The following DNM3 variants were observed in gnomAD, a reference collection of about 807,000 sequenced individuals.
DNM3 encodes dynamin 3.
DNM3 carries 47 observed loss-of-function variants against 101.6 expected under a neutral mutation model. That is an observed-to-expected ratio of 0.46 (90% CI 0.37 to 0.59). The LOEUF (loss-of-function observed/expected upper bound fraction) is 0.59. Among genes scored for constraint, DNM3 ranks in the 20% least tolerant of loss-of-function variants. DNM3 has a pLI of 0.00. For synonymous variants in DNM3, 385 were observed against 387.9 expected (o/e 0.99, Z 0.09); for missense variants, 849 against 1,085.7 (o/e 0.78, Z 3.06).
intron 20 of DNM3, among the ~76,000 whole-genome samples, chr1:172,389,566 A>G (rs573088372): frequency 6.6e-6 from 1 of 152,332 alleles, no homozygotes; most frequent in African/African-American, 2.4e-5. Flanking sequence ...AGAATCAGAG[A>G]TTTTTAAGGT....
At chr1:172,416,714 G>A (rs1264502432), downstream of DNM3, among the ~76,000 whole-genome samples, 2 of 152,142 alleles carry the variant, frequency 1.3e-5, no homozygotes, top group African/African-American at 4.8e-5. Context: ...TTCAGAACTC[G>A]AAAATAGTTT....
chr1:172,262,438 C>T (rs2148716744), intron 15 of DNM3, among the ~76,000 whole-genome samples: 1 of 152,236 alleles, frequency 6.6e-6, no homozygotes, highest in South Asian at 2.1e-4. Context: ...CTATGTTAGT[C>T]TCAGAACTTG....
intron 14 of DNM3, among the ~76,000 whole-genome samples, chr1:172,163,384 G>A (rs949903070): frequency 1.3e-5 from 2 of 151,686 alleles, no homozygotes; most frequent in South Asian, 2.1e-4. Context: ...GACTACAGGT[G>A]CATGCCACCA....
intron 14 of DNM3, among the ~76,000 whole-genome samples, chr1:172,199,324 C>T (rs749577026): frequency 2.6e-4 from 39 of 151,860 alleles, no homozygotes; most frequent in Non-Finnish European, 3.4e-4. Context: ...TATTTTATGT[C>T]CAATTATATG....
Position 171,944,212 on chromosome 1 carries a change from T to A in DNM3, c.235+22391T>A, listed in dbSNP as rs984852767. ...AGTCTTCACATGCCAGGAAACACTA[T>A]TCTTAAATTTTTTTTCAGCCATTTA... On this transcript the variant is annotated intron_variant, in intron 2 of 20. Transcript: ENST00000627582. Among the ~76,000 whole-genome samples, 19 of 152,268 alleles carry A rather than the reference T, an allele frequency of 1.2e-4. No individual in the cohort carries two copies. In the East Asian group the frequency reaches 3.7e-3, roughly 29 times the overall value.
At chr1:172,397,152 ATGTC>A (rs1436135331) in intron 20 of DNM3, 1 of 152,626 alleles carries the variant, frequency 6.6e-6, no homozygotes, top group East Asian at 1.9e-4. Context: ...ACTGAGGAAA[ATGTC>A]TACTTACTTC....
At chr1:172,058,423 A>C (rs1458530960) in intron 10 of DNM3, among the ~76,000 whole-genome samples, 1 of 150,926 alleles carries the variant, frequency 6.6e-6, no homozygotes, top group African/African-American at 2.4e-5. Flanking sequence ...CACCTATTCC[A>C]AAATTGACCA....
At chr1:172,161,718 T>C (rs1311188053) in intron 14 of DNM3, among the ~76,000 whole-genome samples, 1 of 152,020 alleles carries the variant, frequency 6.6e-6, no homozygotes, top group African/African-American at 2.4e-5. Flanking sequence ...TCGACTTAAC[T>C]GCCTCAAAAT....
intron 10 of DNM3, among the ~76,000 whole-genome samples, chr1:172,057,029 G>A (rs368285336): frequency 2.0e-5 from 3 of 152,020 alleles, no homozygotes; most frequent in Admixed American, 6.5e-5. Flanking sequence ...ACCAAGGCTC[G>A]AGAACTACGT....
chr1:172,234,021 G>T (rs1460618806), intron 14 of DNM3, among the ~76,000 whole-genome samples: 2 of 152,130 alleles, frequency 1.3e-5, no homozygotes, highest in Non-Finnish European at 2.9e-5. Context: ...ATTCAACATA[G>T]TGTTGGAAGT....
rs145749452 is a variant in DNM3 at position 172,038,660 on chromosome 1, C to G, written c.992+199C>G. ...GTATTATTCTGTTATTATCAACTTA[C>G]CAGTTGAGCATCCTCATGCCCATTT... On this transcript the variant is annotated intron_variant, in intron 7 of 20. Coordinates refer to ENST00000627582, the MANE Select transcript of DNM3 (RefSeq NM_015569.5). Among the ~76,000 whole-genome samples, 429 of 152,220 alleles carry G rather than the reference C, an allele frequency of 2.8e-3. 3 individuals are homozygous for G. The highest frequency in any genetic ancestry group is 9.7e-3 in the African/African-American group (403 of 41,550).
At chr1:171,993,693 T>C (rs2045802506) in intron 4 of DNM3, among the ~76,000 whole-genome samples, 1 of 152,062 alleles carries the variant, frequency 6.6e-6, no homozygotes, top group African/African-American at 2.4e-5. Flanking sequence ...CTTCTCTTTC[T>C]GAGAATCACA....
intron 14 of DNM3, among the ~76,000 whole-genome samples, chr1:172,216,668 C>T (rs955512887): frequency 8.6e-5 from 13 of 151,924 alleles, no homozygotes; most frequent in African/African-American, 2.9e-4. Flanking sequence ...GCAAATGTAA[C>T]GTTCTTTTTA....
chr1:172,316,766 T>C (rs2065383460), intron 16 of DNM3, among the ~76,000 whole-genome samples: 1 of 152,028 alleles, frequency 6.6e-6, no homozygotes, highest in Non-Finnish European at 1.5e-5. Flanking sequence ...ACAAAGAGAC[T>C]TAGACTCCCA....
intron 14 of DNM3, among the ~76,000 whole-genome samples, chr1:172,194,117 T>C (rs561089592): frequency 1.3e-5 from 2 of 152,324 alleles, no homozygotes; most frequent in East Asian, 1.9e-4. Flanking sequence ...TTTCATTATG[T>C]ACCTGGTAGT....
At position 172,286,400 on chromosome 1, in the gene DNM3, C is replaced by T. The variant is rs532183383; in HGVS notation, c.1770-22328C>T. 8.5e-5 allele frequency among the ~76,000 whole-genome samples: 13 copies of T among 152,078 alleles called. 1 individual carries two copies. Among genetic ancestry groups the T allele is most frequent in the Admixed American group, 2.0e-4 (3 of 15,264 alleles). On this transcript the variant is annotated intron_variant, in intron 15 of 20. Transcript: ENST00000627582. ...CCATTCCACTCCTTTCATTGCTTTG[C>T]GCTAAATGAAATTTGGATTGCAACA...
At chr1:172,303,152 G>T (rs1399419043) in intron 15 of DNM3, among the ~76,000 whole-genome samples, 4 of 152,120 alleles carry the variant, frequency 2.6e-5, no homozygotes, top group Non-Finnish European at 5.9e-5. Flanking sequence ...TAGACAAATG[G>T]ATAACTAGAA....
chr1:172,414,048 T>G (rs1381029610), downstream of DNM3, among the ~76,000 whole-genome samples: 3 of 152,220 alleles, frequency 2.0e-5, no homozygotes, highest in Non-Finnish European at 4.4e-5. Flanking sequence ...AATTTTCCAT[T>G]GGTGTTTTAA....
At chr1:172,221,194 C>G (rs1438067389) in intron 14 of DNM3, among the ~76,000 whole-genome samples, 2 of 152,034 alleles carry the variant, frequency 1.3e-5, no homozygotes, top group East Asian at 3.9e-4. Context: ...TATACATTCA[C>G]TAAGAAAACA....
Sources: allele counts gnomAD v4.1 joint callset (sites outside exome capture counted in the v4.1 genomes callset), GRCh38; gene constraint gnomAD v4.1.1; transcripts MANE v1.5; gene names NCBI Gene and HGNC (gene_info 2026-07-23, HGNC 2026-07-21).